PPP1R9A: variants seen among roughly 807,000 people sequenced by gnomAD.
PPP1R9A encodes neurabin-1.
Under a neutral mutation model 141.9 loss-of-function variants are expected in PPP1R9A, and 59 were observed. The observed-to-expected ratio is 0.42, with a 90% confidence interval of 0.34 to 0.52. The LOEUF is 0.52. Ranked by LOEUF, PPP1R9A falls within the 20% of genes least tolerant of loss-of-function variation. The pLI is 0.10. For synonymous variants in PPP1R9A, 500 were observed against 569.7 expected, an observed-to-expected ratio of 0.88 and a Z score of 1.74; for missense variants, 1,444 against 1,611.9, an observed-to-expected ratio of 0.90 and a Z score of 1.78.
intron 8 of PPP1R9A, among the ~76,000 whole-genome samples, chr7:95,239,523 G>C (rs1469194510): frequency 1.3e-5 from 2 of 152,036 alleles, no homozygotes; most frequent in East Asian, 3.9e-4. Flanking sequence ...TTGTGCCATT[G>C]CACCCCAATC....
intron 2 of PPP1R9A, among the ~76,000 whole-genome samples, chr7:95,079,569 A>C (rs1465938195): frequency 6.6e-6 from 1 of 151,884 alleles, no homozygotes; most frequent in African/African-American, 2.4e-5. Flanking sequence ...AAAAGAGGGA[A>C]TCCTCCCTAA....
intron 2 of PPP1R9A, among the ~76,000 whole-genome samples, chr7:94,947,859 T>C (rs1387295854): frequency 6.6e-6 from 1 of 152,152 alleles, no homozygotes; most frequent in African/African-American, 2.4e-5. Context: ...AACAGTAAGA[T>C]GAAAGCTTGT....
intron 2 of PPP1R9A, among the ~76,000 whole-genome samples, chr7:94,914,104 T>C (rs1791774760): frequency 6.6e-6 from 1 of 152,208 alleles, no homozygotes; most frequent in Non-Finnish European, 1.5e-5. Context: ...CTAACCTCAG[T>C]CTTTTCCTTT....
chr7:95,070,593 G>GTATATATATATATATATATATATACA (rs71961632), intron 2 of PPP1R9A, among the ~76,000 whole-genome samples: 2 of 111,938 alleles, frequency 1.8e-5, no homozygotes, highest in African/African-American at 7.2e-5. Context: ...TAAATCTCTG[G>GTATATATATATATATATATATATACA]TATATATATA....
At chr7:95,079,934 A>T (rs1815528261) in intron 2 of PPP1R9A, among the ~76,000 whole-genome samples, 2 of 152,224 alleles carry the variant, frequency 1.3e-5, no homozygotes, top group Non-Finnish European at 2.9e-5. Context: ...GATGGGACGT[A>T]TCTCAAAATA....
rs756301343 is a variant in PPP1R9A, at chr7:95,284,298, C to T, written c.3577C>T (p.Leu1193Phe). ...SSSIFGRHSQ[L>F]MSVVWIQETN... is the part of the protein sequence containing the mutation. ...TTCAATCTTTGGAAGGCATTCTCAACTTATGTCTGTAGTCTGGATCCAAGA... is the reference window on the plus strand; with the variant it reads ...TTCAATCTTTGGAAGGCATTCTCAATTTATGTCTGTAGTCTGGATCCAAGA... The change falls in exon 17 of 20, where the codon CTT becomes TTT. Residue 1193 changes from leucine to phenylalanine, a missense_variant. By Grantham distance (22) the Leu-to-Phe change is conservative. This residue lies in a region of PPP1R9A where 459 missense variants were observed against 513.8 expected (regional missense o/e 0.89). Transcript: ENST00000433360. The T allele has an allele frequency of 2.1e-5, 32 of 1,546,244 alleles. 1 individual carries two copies. The highest frequency in any genetic ancestry group is 1.3e-4 in the South Asian group (11 of 87,606).
At chr7:95,237,586 C>T (rs1470181614) in intron 8 of PPP1R9A, among the ~76,000 whole-genome samples, 2 of 151,954 alleles carry the variant, frequency 1.3e-5, no homozygotes, top group African/African-American at 4.8e-5. Flanking sequence ...ATTTGATCTA[C>T]CAAATCTGAA....
At chr7:94,995,066 AAG>A (rs1328150136) in intron 2 of PPP1R9A, among the ~76,000 whole-genome samples, 1 of 152,102 alleles carries the variant, frequency 6.6e-6, no homozygotes, top group Non-Finnish European at 1.5e-5. Flanking sequence ...ATCTGAAAAA[AAG>A]TATTTTTCTT....
At chr7:94,932,596 A>G (rs1374929979) in intron 2 of PPP1R9A, among the ~76,000 whole-genome samples, 3 of 152,114 alleles carry the variant, frequency 2.0e-5, no homozygotes, top group Non-Finnish European at 2.9e-5. Flanking sequence ...CCTTGAAATT[A>G]TATGTAGGAG....
chr7:94,935,346 A>G (rs1482245564), intron 2 of PPP1R9A, among the ~76,000 whole-genome samples: 5 of 152,194 alleles, frequency 3.3e-5, no homozygotes, highest in South Asian at 2.1e-4. Flanking sequence ...TGATGACAAC[A>G]TGTGGCCTAT....
chr7:95,287,136 G>A (rs1377772570), intron 18 of PPP1R9A: 3 of 1,613,248 alleles, frequency 1.9e-6, no homozygotes, highest in Non-Finnish European at 2.5e-6. Context: ...ATGACGAGGT[G>A]AGCTATCAGT....
chr7:94,908,998 G>A (rs563036733), intron 1 of PPP1R9A, among the ~76,000 whole-genome samples: 2 of 152,170 alleles, frequency 1.3e-5, no homozygotes. Context: ...TGCCTGCATT[G>A]TCTGCTCCTC....
intron 2 of PPP1R9A, among the ~76,000 whole-genome samples, chr7:94,929,312 A>G (rs535125683): frequency 6.6e-6 from 1 of 152,270 alleles, no homozygotes; most frequent in African/African-American, 2.4e-5. Flanking sequence ...TTGCATTGCA[A>G]TAGAGGTGTG....
At chr7:95,185,008 T>C (rs994551697) in intron 5 of PPP1R9A, among the ~76,000 whole-genome samples, 1 of 148,450 alleles carries the variant, frequency 6.7e-6, no homozygotes, top group Non-Finnish European at 1.5e-5. Context: ...CTAGGTCAAA[T>C]AGTAGTTCTA....
intron 5 of PPP1R9A, among the ~76,000 whole-genome samples, chr7:95,188,386 G>A (rs917236274): frequency 1.3e-5 from 2 of 151,942 alleles, no homozygotes; most frequent in Admixed American, 6.6e-5. Flanking sequence ...TATGCCTTAG[G>A]TAAGTCTCTT....
intron 5 of PPP1R9A, among the ~76,000 whole-genome samples, chr7:95,167,401 C>T (rs1369855164): frequency 1.3e-5 from 2 of 152,148 alleles, no homozygotes; most frequent in East Asian, 3.9e-4. Context: ...AATACCTCAA[C>T]ATAATAAAGG....
chr7:95,251,091 C>T (rs1241457004), intron 10 of PPP1R9A, among the ~76,000 whole-genome samples: 1 of 152,100 alleles, frequency 6.6e-6, no homozygotes, highest in African/African-American at 2.4e-5. Flanking sequence ...AAGAGTTTTG[C>T]TATCAAAAGT....
chr7:95,129,478 CTCAGGTAGGTGTTTA>C (rs1337789418), intron 4 of PPP1R9A, among the ~76,000 whole-genome samples: 1 of 152,192 alleles, frequency 6.6e-6, no homozygotes, highest in Admixed American at 6.5e-5. Flanking sequence ...ATTACCCAGT[CTCAGGTAGGTGTTTA>C]TCAGCAGTTT....
intron 5 of PPP1R9A, among the ~76,000 whole-genome samples, chr7:95,170,738 A>G (rs1355883634): frequency 6.6e-6 from 1 of 151,578 alleles, no homozygotes; most frequent in African/African-American, 2.4e-5. Context: ...GTCTTTAATA[A>G]TGTAAATAAT....
Sources: allele counts gnomAD v4.1 joint callset (sites outside exome capture counted in the v4.1 genomes callset), GRCh38; gene constraint gnomAD v4.1.1; regional missense constraint gnomAD v4.1.1; transcripts MANE v1.5; gene names NCBI Gene and HGNC (gene_info 2026-07-23, HGNC 2026-07-21).